Variants in VARS2 observed in about 807,000 individuals in gnomAD.
VARS2 encodes the protein valyl-tRNA synthetase 2, mitochondrial.
Under a neutral mutation model 154.1 loss-of-function variants are expected in VARS2, and 105 were observed. The ratio of observed to expected loss-of-function variants is 0.68; its 90% CI spans 0.58 to 0.80. The LOEUF (loss-of-function observed/expected upper bound fraction) is 0.80. Ranked by LOEUF, VARS2 falls within the 30% of genes least tolerant of loss-of-function variation. The probability of loss-of-function intolerance (pLI) is 0.00; values close to 1 mark genes in which losing one functional copy is unlikely to be tolerated. For missense variants in VARS2, 1,157 were observed against 1,361.4 expected (o/e 0.85, Z 2.36); for synonymous variants, 483 against 539.5 (o/e 0.90, Z 1.45).
intron 1 of VARS2, 194 bp downstream of exon 1, chr6:30,914,538 C>T: frequency 7.5e-7 from 1 of 1,339,726 alleles, no homozygotes; most frequent in African/African-American, 1.5e-5. Flanking sequence ...CATCATCTCC[C>T]TGAGTTTCTG....
Position 30,926,206 on chromosome 6 carries a change from T to A in VARS2, c.3188T>A (p.Leu1063His). 1 of 1,613,066 alleles carries A rather than the reference T, an allele frequency of 6.2e-7. No individual in the cohort carries two copies. Among genetic ancestry groups the A allele is most frequent in the Non-Finnish European group, 8.5e-7 (1 of 1,179,996 alleles). Residue 1063 changes from leucine (L) to histidine (H), a missense_variant, in exon 30 of 30, where the codon CTC becomes CAC. Physicochemically the swap from Leu to His is moderately conservative, Grantham distance 99. Transcript: ENST00000676266. ...DEPPAPGSPE[L>H] is the part of the protein sequence containing the mutation. ...CCTCCAGCCCCAGGGAGCCCGGAGC[T>A]CTAACTCATCATCCCCATCAGTTTT...
At chr6:30,923,714 AGAG>A (rs1192521242) in intron 25 of VARS2, 150 of 652,570 alleles carry the variant, frequency 2.3e-4, no homozygotes, top group South Asian at 4.5e-4. Flanking sequence ...TCACCTGGGG[AGAG>A]GAGGAGGAGG....
chr6:30,921,287 T>G lies in VARS2; in HGVS notation c.1614T>G (p.Val538=), dbSNP rs762701225. The change falls in exon 17 of 30, where the codon GTT becomes GTG. Residue 538 remains valine, a synonymous_variant. Coordinates refer to ENST00000676266, the MANE Select transcript of VARS2 (RefSeq NM_020442.6). This position sits in a 1 kb window ranked among gnomAD's most constrained non-coding sequence, Gnocchi z 4.6. ...GCCATCAGATTCCAGCCTACCTGGT[T>G]GTAGAGGACCATGCGCAGGTGGGTA... ...WWGHQIPAYL[V]VEDHAQGEED... is the part of the protein sequence containing the mutation. 6.2e-7 allele frequency: 1 copy of G among 1,614,060 alleles called. No individual in the cohort carries two copies. Among genetic ancestry groups the G allele is most frequent in the Non-Finnish European group, 8.5e-7 (1 of 1,179,998 alleles).
Position 30,919,463 on chromosome 6 carries a change from GC to G in VARS2, c.1075-294del. On this transcript the variant is annotated intron_variant, in intron 11 of 29. Transcript: ENST00000676266. This position sits in a 1 kb window ranked among gnomAD's most constrained non-coding sequence, Gnocchi z 4.5. ...GCCTCCCAAAGTGCTGGGATTACAG[GC>G]GTGAGCCGCCGCGCCTGGCTGCTTG... 1 of 281,054 alleles carries G rather than the reference GC, an allele frequency of 3.6e-6. No homozygotes were observed. Among genetic ancestry groups the G allele is most frequent in the Non-Finnish European group, 6.6e-6 (1 of 151,818 alleles). 17.4% of individuals were successfully genotyped at this position (281,054 alleles called of 1,614,324 possible).
At position 30,917,541 on chromosome 6, in the gene VARS2, G is replaced by C. The variant is rs560783593; in HGVS notation, c.874-154G>C. 5.9e-5 allele frequency among the ~76,000 whole-genome samples: 9 copies of C among 152,386 alleles called. No homozygotes were observed. The highest frequency in any genetic ancestry group is 2.2e-4 in the African/African-American group (9 of 41,584). ...TTAGAAGTGTGACTGCACGAGCATT[G>C]GGTGAGGGCAGAGGGAGGTAGCTCC... On this transcript the variant is annotated intron_variant, in intron 9 of 29. Transcript: ENST00000676266. The surrounding 1 kb of genome is among the most constrained non-coding windows in gnomAD (Gnocchi z 4.4).
chr6:30,920,587 C>T lies in VARS2; in HGVS notation c.1398-81C>T. 2 of 1,376,756 alleles carry T rather than the reference C, an allele frequency of 1.5e-6. No individual in the cohort carries two copies. The highest frequency in any genetic ancestry group is 1.4e-5 in the South Asian group (1 of 70,362). The allele number at this position is 1,376,756 out of a possible 1,614,324, so 85.3% of individuals were successfully genotyped here. A position where few individuals can be genotyped will look rare whatever the true frequency, so the allele number is the denominator to read the frequency against. On this transcript the variant is annotated intron_variant, in intron 14 of 29. Coordinates refer to ENST00000676266, the MANE Select transcript of VARS2 (RefSeq NM_020442.6). The surrounding 1 kb of genome is among the most constrained non-coding windows in gnomAD (Gnocchi z 4.6). Reference sequence around the variant, plus strand: ...CTATTGTATCCTCAGTACCAAGGGCCTGGCATGGCATGGGGTCTTGTGCCC... The same window carrying T: ...CTATTGTATCCTCAGTACCAAGGGCTTGGCATGGCATGGGGTCTTGTGCCC...
At position 30,921,181 on chromosome 6, in the gene VARS2, G is replaced by T. The variant is rs772444822; in HGVS notation, c.1556+40G>T. 8 of 1,613,862 alleles carry T rather than the reference G, an allele frequency of 5.0e-6. No homozygotes were observed. The Admixed American group carries it at 5.0e-5, about 10-fold the overall frequency. The stretch of plus-strand genomic sequence containing the variant: ...AGGGGAGCTCTTGTGGAGATGGGGA[G>T]GGGGGACTGACTGGTTATTCTAAGA... On this transcript the variant is annotated intron_variant, in intron 16 of 29. Transcript: ENST00000676266. This position sits in a 1 kb window ranked among gnomAD's most constrained non-coding sequence, Gnocchi z 4.6.
chr6:30,919,672 T>C lies in VARS2; in HGVS notation c.1075-86T>C. 9.3e-7 allele frequency: 1 copy of C among 1,074,074 alleles called. No individual in the cohort carries two copies. The highest frequency in any genetic ancestry group is 1.3e-6 in the Non-Finnish European group (1 of 783,958). The allele number at this position is 1,074,074 out of a possible 1,614,324, so 66.5% of individuals were successfully genotyped here. On this transcript the variant is annotated intron_variant, in intron 11 of 29. Coordinates refer to ENST00000676266, the MANE Select transcript of VARS2 (RefSeq NM_020442.6). The surrounding 1 kb of genome is among the most constrained non-coding windows in gnomAD (Gnocchi z 4.5). ...GCTTGCTACCTTCCACTTTCTACCT[T>C]CTTATTCCTGGGGTTCTCACGCCCC...
chr6:30,922,960 C>T lies in VARS2; in HGVS notation c.2169C>T (p.Cys723=). 1.2e-6 allele frequency: 2 copies of T among 1,610,558 alleles called. No individual in the cohort carries two copies. Among genetic ancestry groups the T allele is most frequent in the Non-Finnish European group, 1.7e-6 (2 of 1,178,258 alleles). The stretch of plus-strand genomic sequence containing the variant: ...CAGATGCCCTGAGATTCACACTCTG[C>T]TCCCATGGAGTTCAGGGTAAGCCTG... The part of the protein sequence containing the change: ...CGTDALRFTL[C]SHGVQAGDLH... The change falls in exon 23 of 30, where the codon TGC becomes TGT. Residue 723 remains cysteine, a synonymous_variant. Transcript: ENST00000676266.
chr6:30,915,226 G>T lies in VARS2; in HGVS notation c.272G>T (p.Gly91Val), dbSNP rs1458568879. Reference sequence around the variant, plus strand: ...TTGTATGAAATCCCTACGAAACCCGGTGAAAAGAAAGGTAAGTAGAATAAG... The same window carrying T: ...TTGTATGAAATCCCTACGAAACCCGTTGAAAAGAAAGGTAAGTAGAATAAG... ...LVLYEIPTKPGEKKDVSGPLP... is the reference protein window; with the variant it reads ...LVLYEIPTKPVEKKDVSGPLP... The change falls in exon 3 of 30, where the codon GGT becomes GTT. Residue 91 changes from glycine to valine, a missense_variant. Transcript: ENST00000676266. 6.2e-7 allele frequency: 1 copy of T among 1,614,184 alleles called. No individual in the cohort carries two copies. Among genetic ancestry groups the T allele is most frequent in the Admixed American group, 1.7e-5 (1 of 60,028 alleles).
rs1289253679 is a variant in VARS2, at chr6:30,920,895, G to A, written c.1479+146G>A. 3 of 1,100,472 alleles carry A rather than the reference G, an allele frequency of 2.7e-6. No individual in the cohort carries two copies. The highest frequency in any genetic ancestry group is 3.8e-6 in the Non-Finnish European group (3 of 782,152). 68.2% of individuals were successfully genotyped at this position (1,100,472 alleles called of 1,614,324 possible). ...GAGAGGATGTGTGGGATGGAGGCTG[G>A]GCGGCCCAGCAAGGGCTGGCTCATA... On this transcript the variant is annotated intron_variant, in intron 15 of 29. Transcript: ENST00000676266. The surrounding 1 kb of genome is among the most constrained non-coding windows in gnomAD (Gnocchi z 4.6).
chr6:30,915,273 A>G, intron 3 of VARS2, 36 bp downstream of exon 3: 3 of 1,612,676 alleles, frequency 1.9e-6, no homozygotes, highest in South Asian at 2.2e-5. Flanking sequence ...TTTCTTTCAC[A>G]TATGTGTTGC....
rs2150559336 is a variant in VARS2, at chr6:30,920,167, T to A, written c.1244T>A (p.Val415Asp). Residue 415 changes from valine (V) to aspartate (D), a missense_variant, in exon 13 of 30, where the codon GTC (valine) becomes GAC (aspartate). Val to Asp is a radical substitution (Grantham distance 152). Coordinates refer to ENST00000676266, the MANE Select transcript of VARS2 (RefSeq NM_020442.6). The surrounding 1 kb of genome is among the most constrained non-coding windows in gnomAD (Gnocchi z 4.6). ...GARHGLSPLNVIAEDGTMTSL... is the reference protein window; with the variant it reads ...GARHGLSPLNDIAEDGTMTSL... The stretch of plus-strand genomic sequence containing the variant: ...CGACATGGCTTGAGCCCCTTGAATG[T>A]CATTGCGGAGGATGGGACCATGACC... 2 of 1,593,542 alleles carry A rather than the reference T, an allele frequency of 1.3e-6. No individual in the cohort carries two copies. Among genetic ancestry groups the A allele is most frequent in the East Asian group, 4.5e-5 (2 of 44,532 alleles).
intron 4 of VARS2, 95 bp downstream of exon 4, chr6:30,915,550 C>A: frequency 6.9e-7 from 1 of 1,457,896 alleles, no homozygotes; most frequent in Non-Finnish European, 9.4e-7. Flanking sequence ...CATTGTAGAC[C>A]TTGTCTTCTT....
At chr6:30,923,263 G>T (rs1252435167) in intron 24 of VARS2, 32 bp downstream of exon 24, 1 of 1,612,102 alleles carries the variant, frequency 6.2e-7, no homozygotes, top group East Asian at 2.2e-5. Context: ...TGGGAGTAGG[G>T]TAGTCAGGTG....
rs375945731 is a variant in VARS2, at chr6:30,922,417, A to AG, written c.1933-33_1933-32insG. On this transcript the variant is annotated intron_variant, in intron 20 of 29. Transcript: ENST00000676266. ...AGAGATCCCAAGGCACCTCCAAGGA[A>AG]ACCCCCCTCTGTTGACCCCTCCCTG... The AG allele has an allele frequency of 2.0e-3, 3,166 of 1,610,394 alleles. 62 individuals carry two copies. The South Asian group carries it at 0.026, about 13-fold the overall frequency.
chr6:30,918,453 G>T (rs546080100), intron 10 of VARS2, among the ~76,000 whole-genome samples: 2 of 152,362 alleles, frequency 1.3e-5, no homozygotes, highest in East Asian at 1.9e-4. Flanking sequence ...GAAGCTTCTT[G>T]TAGGAGCTGG....
intron 1 of VARS2, 186 bp from the exon 2 acceptor site, chr6:30,914,624 C>A (rs890964894): frequency 3.6e-6 from 4 of 1,124,086 alleles, no homozygotes; most frequent in Non-Finnish European, 4.9e-6. Context: ...GCCCTGATAT[C>A]CGTGGCTCCA....
rs1355522054 is a variant in VARS2 at position 30,919,053 on chromosome 6, C to A, written c.1074+138C>A. 1 of 736,862 alleles carries A rather than the reference C, an allele frequency of 1.4e-6. No homozygotes were observed. Among genetic ancestry groups the A allele is most frequent in the Non-Finnish European group, 2.2e-6 (1 of 447,282 alleles). The allele number at this position is 736,862 out of a possible 1,614,324, so 45.6% of individuals were successfully genotyped here. A position where few individuals can be genotyped will look rare whatever the true frequency, so the allele number is the denominator to read the frequency against. ...TTCTCTCAGTGGTTCTGATTGGACT[C>A]CCTCCTCCTCTTATAGTTTTTCTGT... On this transcript the variant is annotated intron_variant, in intron 11 of 29. Coordinates refer to ENST00000676266, the MANE Select transcript of VARS2 (RefSeq NM_020442.6). This position sits in a 1 kb window ranked among gnomAD's most constrained non-coding sequence, Gnocchi z 4.5.
Sources: gnomAD v4.1 joint callset for allele counts (sites outside exome capture counted in the v4.1 genomes callset) on GRCh38, gnomAD v4.1.1 for gene constraint, Gnocchi (gnomAD v3.1) non-coding constraint, MANE v1.5 for transcripts, NCBI Gene and HGNC (gene_info 2026-07-23, HGNC 2026-07-21) for gene names.